The following DNAJC10 variants were observed in gnomAD, a reference collection of about 807,000 sequenced individuals.
The protein encoded by DNAJC10 is DnaJ heat shock protein family (Hsp40) member C10.
Under a neutral mutation model 115.0 loss-of-function variants are expected in DNAJC10, and 101 were observed. The observed-to-expected ratio is 0.88, with a 90% CI of 0.75 to 1.04. The LOEUF (loss-of-function observed/expected upper bound fraction) is 1.04. Ranked by LOEUF, DNAJC10 falls within the 50% of genes least tolerant of loss-of-function variation. The probability of loss-of-function intolerance (pLI) is 0.00; values close to 1 mark genes in which losing one functional copy is unlikely to be tolerated. For synonymous variants in DNAJC10, 307 were observed against 301.5 expected, an observed-to-expected ratio of 1.02 and a Z score of -0.19; for missense variants, 981 against 928.8, an observed-to-expected ratio of 1.06 and a Z score of -0.73.
chr2:182,756,233 A>G (rs974381314), intron 17 of DNAJC10, 81 bp from the exon 18 acceptor site: 9 of 1,203,360 alleles, frequency 7.5e-6, no homozygotes, highest in East Asian at 5.2e-5. Flanking sequence ...GAGATACTCA[A>G]CCTGTACCAA....
chr2:182,724,539 A>G (rs1002446111), intron 5 of DNAJC10, among the ~76,000 whole-genome samples: 5 of 152,206 alleles, frequency 3.3e-5, no homozygotes, highest in Admixed American at 6.5e-5. Context: ...AATACGTGCA[A>G]CTAATTCAGG....
intron 11 of DNAJC10, among the ~76,000 whole-genome samples, chr2:182,737,404 AAAG>A (rs1693611609): frequency 6.6e-6 from 1 of 152,174 alleles, no homozygotes; most frequent in Non-Finnish European, 1.5e-5. Context: ...CAGAGCTGTA[AAAG>A]AAGATGCAAA....
At chr2:182,737,043 C>T (rs536266247) in intron 11 of DNAJC10, among the ~76,000 whole-genome samples, 3 of 152,326 alleles carry the variant, frequency 2.0e-5, no homozygotes, top group East Asian at 3.9e-4. Flanking sequence ...AGTCACCGCA[C>T]CTAACCTAAT....
rs373542036 is a variant in DNAJC10 at position 182,718,206 on chromosome 2, T to C, written c.120T>C (p.Leu40=). Residue 40 remains leucine (L), a synonymous_variant, in exon 3 of 24, where the codon CTT becomes CTC. Coordinates refer to ENST00000264065, the MANE Select transcript of DNAJC10 (RefSeq NM_018981.4). ...CAGATCAGGATTTTTACAGTTTACT[T>C]GGAGTGTCCAAAACTGCAAGCAGTA... The part of the protein sequence containing the change: ...VGTDQDFYSL[L]GVSKTASSRE... 1.9e-6 allele frequency: 3 copies of C among 1,613,664 alleles called. No individual in the cohort carries two copies. Among genetic ancestry groups the C allele is most frequent in the East Asian group, 2.2e-5 (1 of 44,794 alleles).
intron 4 of DNAJC10, among the ~76,000 whole-genome samples, chr2:182,721,793 G>A (rs185903373): frequency 7.2e-5 from 11 of 151,968 alleles, no homozygotes; most frequent in East Asian, 1.9e-4. Flanking sequence ...ACGAACTACC[G>A]CATACACATC....
intron 5 of DNAJC10, among the ~76,000 whole-genome samples, chr2:182,723,198 C>T (rs994232639): frequency 6.6e-6 from 1 of 151,948 alleles, no homozygotes; most frequent in East Asian, 1.9e-4. Context: ...CGCTACCACA[C>T]CCAGTTAATT....
At chr2:182,775,237 A>G in intron 22 of DNAJC10, 79 bp from the exon 23 acceptor site, 1 of 886,688 alleles carries the variant, frequency 1.1e-6, no homozygotes, top group South Asian at 1.6e-5. Context: ...ACTTGAAAGC[A>G]TATTTAATCA....
rs1574930204 is a variant in DNAJC10 at position 182,737,732 on chromosome 2, A to G, written c.987+1346A>G. On this transcript the variant is annotated intron_variant, in intron 11 of 23. Transcript: ENST00000264065. ...TTAAATGCCTATAACCATATTCCCAATATCCCTCCATAAATCTGCTTCATC... is the reference window on the plus strand; with the variant it reads ...TTAAATGCCTATAACCATATTCCCAGTATCCCTCCATAAATCTGCTTCATC... Among the ~76,000 whole-genome samples the G allele has an allele frequency of 2.0e-5, 3 of 152,274 alleles. No homozygotes were observed. The South Asian group carries it at 6.2e-4, about 32-fold the overall frequency.
chr2:182,772,135 G>A (rs1694580199), intron 22 of DNAJC10, among the ~76,000 whole-genome samples: 1 of 152,186 alleles, frequency 6.6e-6, no homozygotes, highest in African/African-American at 2.4e-5. Context: ...GGTTTTGAGT[G>A]AGTTTCTTAA....
intron 5 of DNAJC10, among the ~76,000 whole-genome samples, chr2:182,722,556 G>T (rs1415254312): frequency 8.6e-6 from 1 of 115,994 alleles, no homozygotes. Flanking sequence ...GTAATAATAG[G>T]TTTATTTTTT....
At chr2:182,717,635 A>G (rs1693028780) in intron 2 of DNAJC10, among the ~76,000 whole-genome samples, 1 of 152,226 alleles carries the variant, frequency 6.6e-6, no homozygotes, top group African/African-American at 2.4e-5. Flanking sequence ...AGAAAGAGGA[A>G]GCACCTGTAG....
At chr2:182,727,044 A>G (rs1165263028) in intron 5 of DNAJC10, among the ~76,000 whole-genome samples, 4 of 115,454 alleles carry the variant, frequency 3.5e-5, no homozygotes, top group Non-Finnish European at 7.1e-5. Context: ...AGGTATGTAC[A>G]TTGTTTTGTT....
intron 11 of DNAJC10, among the ~76,000 whole-genome samples, chr2:182,738,629 C>T (rs1289884448): frequency 6.6e-6 from 1 of 151,980 alleles, no homozygotes; most frequent in Non-Finnish European, 1.5e-5. Context: ...CAAGCTCCAC[C>T]TCCCGGGTTC....
intron 22 of DNAJC10, among the ~76,000 whole-genome samples, chr2:182,765,469 C>T (rs757711489): frequency 7.9e-5 from 12 of 152,140 alleles, no homozygotes; most frequent in Non-Finnish European, 1.8e-4. Context: ...ACAAGAATTG[C>T]CAGCCACCCC....
chr2:182,790,539 G>C lies in DNAJC10; in HGVS notation c.*13407G>C, dbSNP rs894975468. 3.3e-5 allele frequency: 5 copies of C among 151,810 alleles called. No individual in the cohort carries two copies. Among genetic ancestry groups the C allele is most frequent in the Non-Finnish European group, 4.4e-5 (3 of 67,954 alleles). 9.4% of individuals were successfully genotyped at this position (151,810 alleles called of 1,614,324 possible). ...AGTGGCTCACACCTGAAATCCCAGC[G>C]CTTTGGGAGGCCGAGGCGGGTGGAT... is the stretch of plus-strand genomic sequence containing the variant. On this transcript the variant is annotated 3_prime_UTR_variant, in exon 24 of 24. Coordinates refer to ENST00000264065, the MANE Select transcript of DNAJC10 (RefSeq NM_018981.4).
Position 182,788,732 on chromosome 2 carries a change from G to A in DNAJC10, c.*11600G>A, listed in dbSNP as rs1574969232. 2.3e-6 allele frequency: 1 copy of A among 437,216 alleles called. No individual in the cohort carries two copies. The highest frequency in any genetic ancestry group is 7.1e-5 in the East Asian group (1 of 14,160). The allele number at this position is 437,216 out of a possible 1,614,324, so 27.1% of individuals were successfully genotyped here. ...TTTATCTCAGAGGAAATCCAGGGAAGTTCCTACTTGGGAAAACGGAAAGGT... is the reference window on the plus strand; with the variant it reads ...TTTATCTCAGAGGAAATCCAGGGAAATTCCTACTTGGGAAAACGGAAAGGT... On this transcript the variant is annotated 3_prime_UTR_variant, in exon 24 of 24. Coordinates refer to ENST00000264065, the MANE Select transcript of DNAJC10 (RefSeq NM_018981.4).
intron 15 of DNAJC10, 121 bp from the exon 16 acceptor site, chr2:182,751,951 C>T: frequency 8.4e-7 from 1 of 1,190,466 alleles, no homozygotes; most frequent in Non-Finnish European, 1.2e-6. Flanking sequence ...AATTACTCCT[C>T]CAGGGAAGGT....
intron 22 of DNAJC10, among the ~76,000 whole-genome samples, chr2:182,771,748 A>G (rs1238337775): frequency 1.3e-5 from 2 of 151,996 alleles, no homozygotes; most frequent in African/African-American, 2.4e-5. Context: ...CAGCCTATCA[A>G]TTTTGTTGAT....
intron 5 of DNAJC10, among the ~76,000 whole-genome samples, chr2:182,728,213 A>G (rs1163090805): frequency 6.6e-6 from 1 of 152,178 alleles, no homozygotes; most frequent in Non-Finnish European, 1.5e-5. Flanking sequence ...TCTCTCATGC[A>G]CACAAACTCT....
Sources: gnomAD v4.1 joint callset for allele counts (sites outside exome capture counted in the v4.1 genomes callset) on GRCh38, gnomAD v4.1.1 for gene constraint, MANE v1.5 for transcripts, NCBI Gene and HGNC (gene_info 2026-07-23, HGNC 2026-07-21) for gene names.